Variants in CSRNP3 observed in about 807,000 individuals in gnomAD.
CSRNP3 encodes the protein cysteine/serine-rich nuclear protein 3.
In CSRNP3, 12 loss-of-function variants were observed where a neutral mutation model predicts 48.0. The ratio of observed to expected loss-of-function variants is 0.25; its 90% CI spans 0.16 to 0.41. The LOEUF is 0.41. Ranked by LOEUF, CSRNP3 falls within the 10% of genes least tolerant of loss-of-function variation. The probability of loss-of-function intolerance (pLI) is 1.00; values close to 1 mark genes in which losing one functional copy is unlikely to be tolerated. For synonymous variants in CSRNP3, 263 were observed against 269.7 expected, an observed-to-expected ratio of 0.98 and a Z score of 0.24; for missense variants, 580 against 724.4, an observed-to-expected ratio of 0.80 and a Z score of 2.29.
rs757952662 is a variant in CSRNP3 at position 165,676,362 on chromosome 2, G to T, written c.459G>T (p.Leu153=). The T allele has an allele frequency of 6.8e-6, 11 of 1,614,038 alleles. No homozygotes were observed. Among genetic ancestry groups the T allele is most frequent in the African/African-American group, 1.3e-5 (1 of 75,026 alleles). The change falls in exon 6 of 7, where the codon CTG becomes CTT. Residue 153 remains leucine (L), a synonymous_variant. Coordinates refer to ENST00000651982, the MANE Select transcript of CSRNP3 (RefSeq NM_001172173.2). The stretch of plus-strand genomic sequence containing the variant: ...CAGAAGAAGCCAGCACTCTTACACT[G>T]GATGACATTTCTGATGATGACATTG... The part of the protein sequence containing the change: ...VESEEASTLT[L]DDISDDDIDL...
intron 4 of CSRNP3, among the ~76,000 whole-genome samples, chr2:165,642,871 T>A (rs1686747199): frequency 2.0e-5 from 3 of 152,218 alleles, no homozygotes; most frequent in Admixed American, 2.0e-4. Context: ...TTGCATATTC[T>A]TTATGACTTT....
At chr2:165,601,988 A>G (rs1238272554) in intron 4 of CSRNP3, among the ~76,000 whole-genome samples, 4 of 152,306 alleles carry the variant, frequency 2.6e-5, no homozygotes, top group Admixed American at 2.0e-4. Flanking sequence ...TGTCAAAGTG[A>G]TATATTCCAA....
At chr2:165,480,782 T>A (rs866573892) in intron 1 of CSRNP3, among the ~76,000 whole-genome samples, 17 of 143,644 alleles carry the variant, frequency 1.2e-4, no homozygotes, top group African/African-American at 2.3e-4. Context: ...TTTTATATAT[T>A]ATATATATAA....
At chr2:165,530,780 G>C (rs1684799901) in intron 3 of CSRNP3, among the ~76,000 whole-genome samples, 1 of 151,808 alleles carries the variant, frequency 6.6e-6, no homozygotes, top group Non-Finnish European at 1.5e-5. Context: ...ACAAATTTGT[G>C]TTACTCTTGG....
chr2:165,549,012 C>CT (rs5836044), intron 3 of CSRNP3, among the ~76,000 whole-genome samples: 113,678 of 143,146 alleles, frequency 0.79, 45,208 homozygotes, highest in African/African-American at 0.88. Flanking sequence ...GAGGTAATGT[C>CT]TTTTTTTTTT....
At chr2:165,521,290 A>G (rs1375416203) in intron 3 of CSRNP3, among the ~76,000 whole-genome samples, 1 of 152,146 alleles carries the variant, frequency 6.6e-6, no homozygotes, top group Non-Finnish European at 1.5e-5. Flanking sequence ...CCAAACCAAT[A>G]TTGAGCTTTG....
intron 5 of CSRNP3, among the ~76,000 whole-genome samples, chr2:165,666,952 G>A (rs982227663): frequency 1.1e-4 from 4 of 35,498 alleles, no homozygotes; most frequent in East Asian, 8.1e-4. Context: ...GAAAGAGAGA[G>A]AGGAAGGAAG....
intron 4 of CSRNP3, among the ~76,000 whole-genome samples, chr2:165,624,084 G>T (rs1358007914): frequency 6.6e-6 from 1 of 152,112 alleles, no homozygotes; most frequent in Non-Finnish European, 1.5e-5. Flanking sequence ...TAATTACCTT[G>T]TTTCTTCTTT....
intron 3 of CSRNP3, among the ~76,000 whole-genome samples, chr2:165,552,854 C>T (rs1022072452): frequency 2.0e-5 from 3 of 151,914 alleles, no homozygotes; most frequent in African/African-American, 7.3e-5. Flanking sequence ...GCCACCATGC[C>T]CGGCTAATTT....
At chr2:165,535,283 G>T (rs1191629857) in intron 3 of CSRNP3, among the ~76,000 whole-genome samples, 1 of 150,618 alleles carries the variant, frequency 6.6e-6, no homozygotes, top group Non-Finnish European at 1.5e-5. Context: ...AGTATGCTGG[G>T]GACTAGGTAT....
At chr2:165,527,199 CTTTTTTTTTTTT>C (rs535826285) in intron 3 of CSRNP3, among the ~76,000 whole-genome samples, 2 of 87,296 alleles carry the variant, frequency 2.3e-5, no homozygotes, top group Admixed American at 1.4e-4. Context: ...GCTGTTTGTA[CTTTTTTTTTTTT>C]TTTTTTTTTT....
intron 4 of CSRNP3, among the ~76,000 whole-genome samples, chr2:165,652,366 G>T (rs899360513): frequency 2.0e-5 from 3 of 151,804 alleles, no homozygotes; most frequent in Non-Finnish European, 4.4e-5. Context: ...AAGTGTGGTG[G>T]TGTGCACCTG....
intron 4 of CSRNP3, among the ~76,000 whole-genome samples, chr2:165,653,197 G>C (rs1214312440): frequency 6.6e-6 from 1 of 152,042 alleles, no homozygotes; most frequent in East Asian, 1.9e-4. Context: ...GAGAGACTTG[G>C]GTGGCTCTTA....
chr2:165,506,506 T>C (rs1444098621), intron 2 of CSRNP3, among the ~76,000 whole-genome samples: 1 of 152,016 alleles, frequency 6.6e-6, no homozygotes, highest in Non-Finnish European at 1.5e-5. Flanking sequence ...ACTTTTATAT[T>C]CATAGCCCCC....
At chr2:165,537,935 A>C (rs879731765) in intron 3 of CSRNP3, among the ~76,000 whole-genome samples, 23 of 152,006 alleles carry the variant, frequency 1.5e-4, no homozygotes, top group Non-Finnish European at 2.9e-4. Context: ...TAAATGAAGA[A>C]GAGGTAGCCC....
chr2:165,543,401 T>C (rs900148790), intron 3 of CSRNP3, among the ~76,000 whole-genome samples: 1 of 152,180 alleles, frequency 6.6e-6, no homozygotes, highest in African/African-American at 2.4e-5. Flanking sequence ...TACAATCTTA[T>C]GAACATTTAA....
At chr2:165,572,007 A>G (rs1005117399) in intron 3 of CSRNP3, among the ~76,000 whole-genome samples, 1 of 152,178 alleles carries the variant, frequency 6.6e-6, no homozygotes, top group African/African-American at 2.4e-5. Flanking sequence ...AAGGCTCTTT[A>G]ATAACATTTG....
At chr2:165,544,215 C>A (rs1684994596) in intron 3 of CSRNP3, among the ~76,000 whole-genome samples, 1 of 151,908 alleles carries the variant, frequency 6.6e-6, no homozygotes, top group Admixed American at 6.6e-5. Flanking sequence ...GAGCAGGTAG[C>A]CAAGGAGTCA....
At chr2:165,488,986 C>CA (rs1288561516) in intron 1 of CSRNP3, among the ~76,000 whole-genome samples, 2 of 121,732 alleles carry the variant, frequency 1.6e-5, no homozygotes, top group Non-Finnish European at 3.4e-5. Context: ...AAAAACCCTT[C>CA]AAAAAATCAA....
Sources: gnomAD v4.1 joint callset for allele counts (sites outside exome capture counted in the v4.1 genomes callset) on GRCh38, gnomAD v4.1.1 for gene constraint, MANE v1.5 for transcripts, NCBI Gene and HGNC (gene_info 2026-07-23, HGNC 2026-07-21) for gene names.